The following PRPF6 variants were observed in gnomAD, a reference collection of about 807,000 sequenced individuals.
PRPF6 encodes the protein pre-mRNA-processing factor 6.
A neutral mutation model predicts 118.3 loss-of-function variants in PRPF6; 42 were observed. The observed-to-expected ratio is 0.35, with a 90% CI of 0.28 to 0.46. PRPF6 has a LOEUF of 0.46. PRPF6 is among the 20% of genes least tolerant of loss of function. The pLI, the probability that PRPF6 is intolerant of heterozygous loss-of-function variation, is 1.00. For missense variants in PRPF6, 662 were observed against 1,255.7 expected (o/e 0.53, Z 7.15); for synonymous variants, 481 against 485.1 (o/e 0.99, Z 0.11).
intron 12 of PRPF6, among the ~76,000 whole-genome samples, chr20:64,018,578 A>G (rs2059249454): frequency 6.6e-6 from 1 of 151,646 alleles, no homozygotes; most frequent in Admixed American, 6.6e-5. Flanking sequence ...GGCCTGAATC[A>G]GTTATTTCTG....
At chr20:64,000,101 G>A (rs2059159908) in intron 8 of PRPF6, among the ~76,000 whole-genome samples, 3 of 152,014 alleles carry the variant, frequency 2.0e-5, no homozygotes, top group Admixed American at 1.3e-4. Flanking sequence ...ATAGGCGCCC[G>A]CCACCATGCC....
chr20:63,999,766 T>TATTTCCTGGGAGGC lies in PRPF6; in HGVS notation c.1023+8_1023+21dup. ...GACGGAGATGTGCCCCAAGGTGAGG[T>TATTTCCTGGGAGGC]ATTTCCTGGGAGGCGTTTCCTGGGA... is the stretch of plus-strand genomic sequence containing the variant. On this transcript the variant is annotated splice_region_variant and intron_variant, in intron 8 of 20. Transcript: ENST00000266079. The TATTTCCTGGGAGGC allele has an allele frequency of 6.2e-7, 1 of 1,613,908 alleles. No homozygotes were observed. Among genetic ancestry groups the TATTTCCTGGGAGGC allele is most frequent in the East Asian group, 2.2e-5 (1 of 44,880 alleles).
chr20:64,004,957 A>G (rs1437909486), intron 9 of PRPF6, among the ~76,000 whole-genome samples: 1 of 152,216 alleles, frequency 6.6e-6, no homozygotes, highest in Non-Finnish European at 1.5e-5. Flanking sequence ...CAGGAATGGC[A>G]CAGTTCAGGT....
chr20:64,030,722 G>T (rs1188261980), intron 19 of PRPF6, among the ~76,000 whole-genome samples: 1 of 152,246 alleles, frequency 6.6e-6, no homozygotes. Context: ...CCAGTGTTTT[G>T]TGTGTCTGCT....
chr20:64,006,616 G>A (rs910218813), intron 9 of PRPF6, among the ~76,000 whole-genome samples: 15 of 152,108 alleles, frequency 9.9e-5, no homozygotes, highest in East Asian at 3.8e-4. Context: ...CACCACACCC[G>A]GCCTTTGGAC....
chr20:63,997,232 C>T (rs1837733889), intron 6 of PRPF6, among the ~76,000 whole-genome samples: 1 of 151,512 alleles, frequency 6.6e-6, no homozygotes, highest in African/African-American at 2.4e-5. Flanking sequence ...CAGTATTTAC[C>T]TTACTGTGAC....
At chr20:63,981,360 G>T (rs777770065) in intron 1 of PRPF6, 44 bp downstream of exon 1, 13 of 1,532,174 alleles carry the variant, frequency 8.5e-6, no homozygotes, top group Non-Finnish European at 1.1e-5. Flanking sequence ...CCCGGCTACA[G>T]GAGCGCAGTG....
chr20:64,011,242 C>T lies in PRPF6; in HGVS notation c.1306-43C>T. 6.3e-7 allele frequency: 1 copy of T among 1,593,442 alleles called. No homozygotes were observed. The highest frequency in any genetic ancestry group is 8.6e-7 in the Non-Finnish European group (1 of 1,163,132). On this transcript the variant is annotated intron_variant, in intron 10 of 20. Coordinates refer to ENST00000266079, the MANE Select transcript of PRPF6 (RefSeq NM_012469.4). The surrounding 1 kb of genome is among the most constrained non-coding windows in gnomAD (Gnocchi z 6.7). ...GCTGTCTGGCCTGCAGCTGTCCCCCCAGCACAGTGTCCTCTCCTTTTTCTC... is the reference window on the plus strand; with the variant it reads ...GCTGTCTGGCCTGCAGCTGTCCCCCTAGCACAGTGTCCTCTCCTTTTTCTC...
chr20:64,016,793 T>C lies in PRPF6; in HGVS notation c.1595T>C (p.Ile532Thr). The C allele has an allele frequency of 6.2e-7, 1 of 1,614,022 alleles. No individual in the cohort carries two copies. Among genetic ancestry groups the C allele is most frequent in the Non-Finnish European group, 8.5e-7 (1 of 1,179,988 alleles). Residue 532 changes from isoleucine to threonine, a missense_variant, in exon 12 of 21, where the codon ATT becomes ACT. Transcript: ENST00000266079. ...CQAVMRAVIG[I>T]GIEEEDRKHT... The stretch of plus-strand genomic sequence containing the variant: ...GCCGTCATGCGTGCCGTGATTGGGA[T>C]TGGGATTGAGGAGGAAGATCGGAAG...
chr20:64,019,795 T>C (rs1444217379), intron 12 of PRPF6, among the ~76,000 whole-genome samples: 1 of 152,212 alleles, frequency 6.6e-6, no homozygotes, highest in Non-Finnish European at 1.5e-5. Flanking sequence ...TCTGTGCTGG[T>C]TGAGTCAGAC....
At chr20:64,032,268 G>C (rs1248085695) in intron 20 of PRPF6, among the ~76,000 whole-genome samples, 1 of 152,232 alleles carries the variant, frequency 6.6e-6, no homozygotes, top group Non-Finnish European at 1.5e-5. Context: ...CCACACCCTG[G>C]AATTGAGGCA....
chr20:63,999,581 G>A (rs572422493), intron 7 of PRPF6, 22 bp from the exon 8 acceptor site: 11 of 1,613,638 alleles, frequency 6.8e-6, no homozygotes, highest in East Asian at 4.5e-5. Flanking sequence ...GCCTGATGCC[G>A]TGTGCACTCT....
At chr20:64,023,348 A>G (rs1157706888) in intron 13 of PRPF6, among the ~76,000 whole-genome samples, 1 of 152,190 alleles carries the variant, frequency 6.6e-6, no homozygotes, top group Non-Finnish European at 1.5e-5. Context: ...TTAATTGAAA[A>G]CATCTTTCAG....
chr20:63,982,196 A>G (rs1411961825), intron 1 of PRPF6, among the ~76,000 whole-genome samples: 2 of 152,008 alleles, frequency 1.3e-5, no homozygotes, highest in Non-Finnish European at 2.9e-5. Flanking sequence ...TTTTTGAGAC[A>G]AAGTCTTGTT....
intron 11 of PRPF6, among the ~76,000 whole-genome samples, chr20:64,013,454 C>T (rs1415675834): frequency 6.6e-6 from 1 of 151,464 alleles, no homozygotes; most frequent in Non-Finnish European, 1.5e-5. Flanking sequence ...TTCTTTCCTT[C>T]TTTCTTTCTT....
In PRPF6 at chr20:64,028,064, C is replaced by T. The variant is rs2059299396; in HGVS notation, c.2339+328C>T. Among the ~76,000 whole-genome samples the T allele has an allele frequency of 6.6e-6, 1 of 152,132 alleles. No homozygotes were observed. Among genetic ancestry groups the T allele is most frequent in the Admixed American group, 6.5e-5 (1 of 15,276 alleles). On this transcript the variant is annotated intron_variant, in intron 17 of 20. Coordinates refer to ENST00000266079, the MANE Select transcript of PRPF6 (RefSeq NM_012469.4). The surrounding 1 kb of genome is among the most constrained non-coding windows in gnomAD (Gnocchi z 6.5). ...CCACAGAGGAGGTGGCGTGGAGAGC[C>T]CTGGAGGTGGACAGGAGCCTGCTAG...
intron 4 of PRPF6, 141 bp from the exon 5 acceptor site, chr20:63,994,775 A>G (rs2059133967): frequency 8.9e-7 from 1 of 1,117,550 alleles, no homozygotes; most frequent in African/African-American, 1.6e-5. Flanking sequence ...TCTCAAAACA[A>G]AAGTAAAAAA....
rs770594915 is a variant in PRPF6, at chr20:63,983,027, G to A, written c.72-20G>A. On this transcript the variant is annotated intron_variant, in intron 1 of 20. Coordinates refer to ENST00000266079, the MANE Select transcript of PRPF6 (RefSeq NM_012469.4). ...GAACAGAGTTATTCAGACACCCGGT[G>A]TCTTGGGGGTCTCCTGCAGCGCCAC... The A allele has an allele frequency of 1.2e-6, 2 of 1,613,178 alleles. No individual in the cohort carries two copies. Among genetic ancestry groups the A allele is most frequent in the East Asian group, 4.5e-5 (2 of 44,884 alleles).
In PRPF6 at chr20:63,999,091, A is replaced by G; in HGVS notation, c.818A>G (p.Tyr273Cys). The G allele has an allele frequency of 6.2e-7, 1 of 1,613,934 alleles. No homozygotes were observed. ...SGQTVVDPKG[Y>C]LTDLNSMIPT... ...CAGACCGTCGTTGACCCCAAAGGCT[A>G]CCTGACGGATTTAAATTCCATGATC... Residue 273 changes from tyrosine (Y) to cysteine (C), a missense_variant, in exon 7 of 21, where the codon TAC (tyrosine) becomes TGC (cysteine). Physicochemically the swap from Tyr to Cys is radical, Grantham distance 194 (BLOSUM62 -2). Around this residue, in one of 10 missense-constraint regions of PRPF6, gnomAD observed 71 missense variants for 166.4 expected, o/e 0.43. Transcript: ENST00000266079.
Sources: allele counts gnomAD v4.1 joint callset (sites outside exome capture counted in the v4.1 genomes callset), GRCh38; gene constraint gnomAD v4.1.1; regional missense constraint gnomAD v4.1.1; non-coding constraint Gnocchi (gnomAD v3.1); transcripts MANE v1.5; gene names NCBI Gene and HGNC (gene_info 2026-07-23, HGNC 2026-07-21).